LIPA: variants seen among roughly 807,000 people sequenced by gnomAD.
The protein encoded by LIPA is lysosomal acid lipase/cholesteryl ester hydrolase.
Under a neutral mutation model 40.6 loss-of-function variants are expected in LIPA, and 26 were observed. The ratio of observed to expected loss-of-function variants is 0.64; its 90% CI spans 0.47 to 0.89. LIPA has a LOEUF of 0.89. LIPA is among the 40% of genes least tolerant of loss of function. The pLI is 0.00. For synonymous variants in LIPA, 188 were observed against 168.4 expected, an observed-to-expected ratio of 1.12 and a Z score of -0.90; for missense variants, 455 against 479.6, an observed-to-expected ratio of 0.95 and a Z score of 0.48.
At chr10:89,410,875 A>C (rs1470653983) in intron 2 of LIPA, among the ~76,000 whole-genome samples, 1 of 152,220 alleles carries the variant, frequency 6.6e-6, no homozygotes, top group African/African-American at 2.4e-5. Context: ...GAGGCAGGGA[A>C]ACACCAGCAG....
At chr10:89,271,908 A>T (rs1167330976) in intron 1 of LIPA, among the ~76,000 whole-genome samples, 1 of 151,938 alleles carries the variant, frequency 6.6e-6, no homozygotes, top group Non-Finnish European at 1.5e-5. Flanking sequence ...ACAAAAAAAA[A>T]AACCCACAAA....
At chr10:89,297,629 T>C (rs1843422902) in intron 1 of LIPA, among the ~76,000 whole-genome samples, 1 of 152,206 alleles carries the variant, frequency 6.6e-6, no homozygotes, top group African/African-American at 2.4e-5. Flanking sequence ...CTAAAACATG[T>C]CCTTTCCAGA....
At chr10:89,392,416 T>C (rs1844265291) in intron 2 of LIPA, 1 of 407,710 alleles carries the variant, frequency 2.5e-6, no homozygotes, top group Non-Finnish European at 4.5e-6. Context: ...GAAACATCTA[T>C]GGTTGCAGGT....
intron 2 of LIPA, among the ~76,000 whole-genome samples, chr10:89,364,538 G>A (rs1844044719): frequency 6.6e-6 from 1 of 151,874 alleles, no homozygotes; most frequent in African/African-American, 2.4e-5. Context: ...TCAGACTATT[G>A]AGATACCTTA....
At chr10:89,403,014 A>G (rs371786671) in intron 2 of LIPA, 5 of 1,614,236 alleles carry the variant, frequency 3.1e-6, no homozygotes, top group Admixed American at 3.3e-5. Flanking sequence ...TCTAGCCAAC[A>G]TGTCCTCACA....
At chr10:89,340,035 A>G (rs772055570) in intron 1 of LIPA, 2 of 1,614,086 alleles carry the variant, frequency 1.2e-6, no homozygotes, top group African/African-American at 1.3e-5. Flanking sequence ...TCCTGTCAGC[A>G]TCTGAGCTTG....
intron 1 of LIPA, among the ~76,000 whole-genome samples, chr10:89,249,475 G>A (rs577116269): frequency 6.6e-6 from 1 of 152,232 alleles, no homozygotes; most frequent in East Asian, 1.9e-4. Flanking sequence ...AACAGCTTTG[G>A]GTGTAATAGA....
At chr10:89,397,967 A>G (rs1589635783) in intron 2 of LIPA, among the ~76,000 whole-genome samples, 1 of 152,234 alleles carries the variant, frequency 6.6e-6, no homozygotes, top group East Asian at 1.9e-4. Context: ...CAGTTCTATG[A>G]CATTAAATAC....
At chr10:89,236,822 A>C (rs1049548908) in intron 3 of LIPA, among the ~76,000 whole-genome samples, 2 of 152,242 alleles carry the variant, frequency 1.3e-5, no homozygotes, top group Admixed American at 6.5e-5. Context: ...CTAATATTCA[A>C]GATAAAGCAA....
chr10:89,402,471 G>A (rs771208487), intron 2 of LIPA: 4 of 1,614,178 alleles, frequency 2.5e-6, no homozygotes, highest in Non-Finnish European at 2.5e-6. Flanking sequence ...ACACCTGAAA[G>A]GCCAGAATGA....
chr10:89,412,676 C>T (rs186009436), intron 2 of LIPA: 1 of 398,604 alleles, frequency 2.5e-6, no homozygotes, highest in Non-Finnish European at 4.9e-6. Flanking sequence ...GTCAGTGAAA[C>T]CACGAACCCA....
At chr10:89,413,830 G>A (rs1827456200) in intron 1 of LIPA, among the ~76,000 whole-genome samples, 1 of 150,740 alleles carries the variant, frequency 6.6e-6, no homozygotes, top group African/African-American at 2.4e-5. Context: ...TTGAGGTTTT[G>A]AATACAGACA....
intron 1 of LIPA, chr10:89,308,096 T>A (rs977555081): frequency 6.6e-6 from 1 of 152,226 alleles, no homozygotes; most frequent in Non-Finnish European, 1.5e-5. Flanking sequence ...TCTGCCCTCC[T>A]CATAGTCATA....
chr10:89,333,048 C>A (rs1299112289), intron 1 of LIPA, among the ~76,000 whole-genome samples: 1 of 152,212 alleles, frequency 6.6e-6, no homozygotes, highest in Non-Finnish European at 1.5e-5. Flanking sequence ...TGCTTCTCAG[C>A]AAATGTGTCA....
At chr10:89,218,674 G>A (rs973077455) in intron 8 of LIPA, among the ~76,000 whole-genome samples, 6 of 152,174 alleles carry the variant, frequency 3.9e-5, no homozygotes, top group African/African-American at 7.2e-5. Flanking sequence ...GGAGGTGACC[G>A]GGCTGCAACC....
Position 89,403,716 on chromosome 10 carries a change from C to A in LIPA, c.61+9075G>T, listed in dbSNP as rs775640877. 3 of 1,485,976 alleles carry A rather than the reference C, an allele frequency of 2.0e-6. No individual in the cohort carries two copies. The African/African-American group carries it at 4.2e-5, about 21-fold the overall frequency. 92.0% of individuals were successfully genotyped at this position (1,485,976 alleles called of 1,614,324 possible). ...CTCTGTGAGACAAGGTCCTTAGGCA[C>A]CCAGATATCAGCCACTTTCACATTT... On this transcript the variant is annotated intron_variant, in intron 2 of 8. Coordinates refer to the LIPA transcript ENST00000371837.
intron 8 of LIPA, 54 bp from the exon 9 acceptor site, chr10:89,216,063 C>G (rs1842622505): frequency 8.4e-7 from 1 of 1,191,872 alleles, no homozygotes; most frequent in Non-Finnish European, 1.3e-6. Flanking sequence ...TTAGAGATAA[C>G]ATCATAGGTT....
At chr10:89,217,705 G>C (rs1485429597) in intron 8 of LIPA, among the ~76,000 whole-genome samples, 1 of 152,166 alleles carries the variant, frequency 6.6e-6, no homozygotes, top group Non-Finnish European at 1.5e-5. Context: ...ATAAGCTAAA[G>C]CCCAATTTTA....
intron 1 of LIPA, among the ~76,000 whole-genome samples, chr10:89,334,454 GT>G (rs1322780465): frequency 1.3e-5 from 1 of 79,726 alleles, no homozygotes; most frequent in African/African-American, 4.3e-5. Flanking sequence ...TAGCTATTCT[GT>G]TTTTTCTTCT....
Sources: gnomAD v4.1 joint callset for allele counts (sites outside exome capture counted in the v4.1 genomes callset) on GRCh38, gnomAD v4.1.1 for gene constraint, MANE v1.5 for transcripts, NCBI Gene and HGNC (gene_info 2026-07-23, HGNC 2026-07-21) for gene names.